The following SYNE1 variants were observed in gnomAD, a reference collection of about 807,000 sequenced individuals.
The protein encoded by SYNE1 is spectrin repeat containing nuclear envelope protein 1.
SYNE1 carries 616 observed loss-of-function variants against 1,111.0 expected under a neutral mutation model. The ratio of observed to expected loss-of-function variants is 0.55; its 90% confidence interval spans 0.52 to 0.59. The LOEUF is 0.59. Ranked by LOEUF, SYNE1 falls within the 20% of genes least tolerant of loss-of-function variation. The pLI, the probability that SYNE1 is intolerant of heterozygous loss-of-function variation, is 0.00. For synonymous variants in SYNE1, 3,855 were observed against 3,825.8 expected, an observed-to-expected ratio of 1.01 and a Z score of -0.28; for missense variants, 10,006 against 10,417.0, an observed-to-expected ratio of 0.96 and a Z score of 1.72.
intron 117 of SYNE1, among the ~76,000 whole-genome samples, chr6:152,223,369 C>A (rs1429885163): frequency 6.6e-6 from 1 of 152,180 alleles, no homozygotes; most frequent in Non-Finnish European, 1.5e-5. Flanking sequence ...TGCCTGTAAT[C>A]CCAGCACTTT....
intron 6 of SYNE1, 89 bp downstream of exon 6, chr6:152,520,370 C>CTA (rs373298721): frequency 8.2e-7 from 1 of 1,215,764 alleles, no homozygotes; most frequent in African/African-American, 1.5e-5. Flanking sequence ...TGCCATCCTC[C>CTA]TATCTGACTA....
Position 152,149,626 on chromosome 6 carries a change from G to C in SYNE1, c.24493C>G (p.Gln8165Glu). Residue 8165 changes from glutamine to glutamate, a missense_variant, in exon 136 of 146, where the codon CAG becomes GAG. Physicochemically the swap from Gln to Glu is conservative, Grantham distance 29. This residue lies in a region of SYNE1 where 761 missense variants were observed against 795.5 expected (regional missense o/e 0.96). Coordinates refer to ENST00000367255, the MANE Select transcript of SYNE1 (RefSeq NM_182961.4). ...EISLNHNKIE[Q>E]IIAQGEQLIE... ...AGCTGTTCTCCTTGGGCAATTATCT[G>C]CTCAATCTTATTGTGGTTCAGTGAA... is the stretch of plus-strand genomic sequence containing the variant. 4.3e-6 allele frequency: 7 copies of C among 1,614,082 alleles called. No individual in the cohort carries two copies. The highest frequency in any genetic ancestry group is 5.9e-6 in the Non-Finnish European group (7 of 1,180,016).
chr6:152,267,930 A>G (rs1316195955), intron 100 of SYNE1, 126 bp downstream of exon 100: 6 of 819,584 alleles, frequency 7.3e-6, no homozygotes, highest in Non-Finnish European at 1.2e-5. Context: ...TACTACCCTA[A>G]AGTAAAAATA....
chr6:152,361,083 C>T (rs1654131696), intron 64 of SYNE1, among the ~76,000 whole-genome samples: 1 of 152,144 alleles, frequency 6.6e-6, no homozygotes, highest in Non-Finnish European at 1.5e-5. Context: ...AAAATTCATT[C>T]AGAAAGATAA....
chr6:152,472,029 A>T (rs1312813101), intron 15 of SYNE1: 3 of 592,884 alleles, frequency 5.1e-6, no homozygotes, highest in Non-Finnish European at 8.9e-6. Flanking sequence ...GCAATATTAC[A>T]TAATGTTCCT....
chr6:152,251,946 G>T (rs1385263493), intron 104 of SYNE1, among the ~76,000 whole-genome samples: 1 of 151,816 alleles, frequency 6.6e-6, no homozygotes, highest in East Asian at 1.9e-4. Context: ...TAGCCATTGA[G>T]AAACAGATTT....
At chr6:152,495,045 G>C (rs780624133) in intron 11 of SYNE1, among the ~76,000 whole-genome samples, 1 of 152,012 alleles carries the variant, frequency 6.6e-6, no homozygotes, top group Non-Finnish European at 1.5e-5. Context: ...CCATTCTATC[G>C]TTTTTCATAA....
In SYNE1 at chr6:152,122,531, T is replaced by C. The variant is rs146389405; in HGVS notation, c.26299A>G (p.Met8767Val). Reference protein sequence around the residue: ...LLIGLACLVPMSEEDYSCALS... With the variant: ...LLIGLACLVPVSEEDYSCALS... ...GCACAGCTGTAGTCTTCCTCTGACA[T>C]TGGTACAAGGCAGGCAAGCCCGATG... The change falls in exon 146 of 146, where the codon ATG becomes GTG. Residue 8767 changes from methionine (M) to valine (V), a missense_variant. This residue lies in a region of SYNE1 where 761 missense variants were observed against 795.5 expected (regional missense o/e 0.96). Coordinates refer to ENST00000367255, the MANE Select transcript of SYNE1 (RefSeq NM_182961.4). 3 of 1,614,046 alleles carry C rather than the reference T, an allele frequency of 1.9e-6. No homozygotes were observed. The highest frequency in any genetic ancestry group is 1.7e-6 in the Non-Finnish European group (2 of 1,180,032).
At chr6:152,203,908 T>G (rs907673500) in intron 126 of SYNE1, among the ~76,000 whole-genome samples, 2 of 152,214 alleles carry the variant, frequency 1.3e-5, no homozygotes, top group African/African-American at 4.8e-5. Flanking sequence ...CTTTGTTTTA[T>G]GCTTTGTGTT....
intron 51 of SYNE1, among the ~76,000 whole-genome samples, chr6:152,394,499 G>A (rs2097700105): frequency 6.6e-6 from 1 of 152,090 alleles, no homozygotes; most frequent in South Asian, 2.1e-4. Flanking sequence ...AAATGAAAAT[G>A]CCAGGGGTGG....
At chr6:152,502,449 T>C (rs962928572) in intron 10 of SYNE1, among the ~76,000 whole-genome samples, 184 bp downstream of exon 10, 1 of 152,192 alleles carries the variant, frequency 6.6e-6, no homozygotes, top group Admixed American at 6.5e-5. Flanking sequence ...CTCTAATATA[T>C]CCAACATACA....
intron 2 of SYNE1, among the ~76,000 whole-genome samples, chr6:152,635,320 T>C (rs1583852566): frequency 1.3e-5 from 2 of 152,228 alleles, no homozygotes; most frequent in African/African-American, 4.8e-5. Context: ...GTTATCTGGG[T>C]CAGTCTGAAG....
At chr6:152,288,649 C>T (rs909250389) in intron 95 of SYNE1, among the ~76,000 whole-genome samples, 2 of 152,134 alleles carry the variant, frequency 1.3e-5, no homozygotes, top group Admixed American at 6.6e-5. Flanking sequence ...TGAGTTCAAG[C>T]AATTCTTCTG....
At chr6:152,157,932 T>C (rs1240871971) in intron 131 of SYNE1, among the ~76,000 whole-genome samples, 2 of 152,076 alleles carry the variant, frequency 1.3e-5, no homozygotes, top group South Asian at 2.1e-4. Context: ...CTAATTTTTG[T>C]GTTTTTAGTA....
At chr6:152,549,242 C>T (rs2099328821) in intron 3 of SYNE1, among the ~76,000 whole-genome samples, 1 of 152,186 alleles carries the variant, frequency 6.6e-6, no homozygotes, top group African/African-American at 2.4e-5. Flanking sequence ...GCATTTTCCT[C>T]AATATCGTAT....
At chr6:152,601,414 T>C (rs2099595733) in intron 3 of SYNE1, among the ~76,000 whole-genome samples, 1 of 152,122 alleles carries the variant, frequency 6.6e-6, no homozygotes, top group Non-Finnish European at 1.5e-5. Flanking sequence ...AACAATAGGC[T>C]GAGGTTGACA....
chr6:152,333,922 T>C, intron 77 of SYNE1, 86 bp downstream of exon 77: 1 of 1,587,284 alleles, frequency 6.3e-7, no homozygotes, highest in Non-Finnish European at 8.6e-7. Context: ...CATCAGCCAC[T>C]GCACCTGGGC....
At chr6:152,467,623 A>T (rs2098778810) in intron 16 of SYNE1, among the ~76,000 whole-genome samples, 1 of 152,150 alleles carries the variant, frequency 6.6e-6, no homozygotes. Flanking sequence ...AAAATAATTA[A>T]AAATGAACAA....
intron 3 of SYNE1, among the ~76,000 whole-genome samples, chr6:152,575,943 G>A (rs976864710): frequency 1.3e-5 from 2 of 152,150 alleles, no homozygotes; most frequent in Admixed American, 6.5e-5. Flanking sequence ...TATAATTCTT[G>A]CAGCATTATT....
Sources: gnomAD v4.1 joint callset for allele counts (sites outside exome capture counted in the v4.1 genomes callset) on GRCh38, gnomAD v4.1.1 for gene constraint, gnomAD v4.1.1 regional missense constraint, MANE v1.5 for transcripts, NCBI Gene and HGNC (gene_info 2026-07-23, HGNC 2026-07-21) for gene names.